USP9X: variants seen among roughly 807,000 people sequenced by gnomAD.
The protein encoded by USP9X is ubiquitin carboxyl-terminal hydrolase 9X.
In USP9X, 7 loss-of-function variants were observed where a neutral mutation model predicts 190.3. The observed-to-expected ratio is 0.04, with a 90% CI of 0.02 to 0.07. The LOEUF is 0.07. Ranked by LOEUF, USP9X falls within the 10% of genes least tolerant of loss-of-function variation. The pLI is 1.00. For missense variants in USP9X, 1,010 were observed against 1,916.9 expected (o/e 0.53, Z 8.83); for synonymous variants, 645 against 659.5 (o/e 0.98, Z 0.34).
chrX:41,092,262 C>T (rs2061960168), intron 1 of USP9X, among the ~76,000 whole-genome samples: 1 of 111,621 alleles, frequency 9.0e-6, no homozygotes, highest in Admixed American at 9.5e-5. Flanking sequence ...CCTTGATGTC[C>T]ATTTTATTCC....
intron 44 of USP9X, among the ~76,000 whole-genome samples, chrX:41,230,864 A>T (rs1423706474): frequency 9.0e-6 from 1 of 111,551 alleles, no homozygotes; most frequent in African/African-American, 3.3e-5. Flanking sequence ...TTATATCAAC[A>T]TAAAATGATC....
At chrX:41,102,392 C>T (rs1406794300) in intron 1 of USP9X, among the ~76,000 whole-genome samples, 2 of 110,607 alleles carry the variant, frequency 1.8e-5, no homozygotes, top group African/African-American at 6.6e-5. Flanking sequence ...TGGAGGTGGG[C>T]GGATCACTTG....
chrX:41,206,720 T>C (rs2063100116), intron 32 of USP9X, among the ~76,000 whole-genome samples: 1 of 111,226 alleles, frequency 9.0e-6, no homozygotes, highest in East Asian at 2.8e-4. Flanking sequence ...GACATTATAA[T>C]GTCTGTCTTC....
At chrX:41,152,858 T>C (rs756957750) in intron 13 of USP9X, 90 bp from the exon 14 acceptor site, 13 of 962,997 alleles carry the variant, frequency 1.3e-5, no homozygotes, top group Non-Finnish European at 1.6e-5. Context: ...AGTTTTTACA[T>C]CAGTAGCTAA....
chrX:41,132,828 T>A (rs2062335586), intron 4 of USP9X, among the ~76,000 whole-genome samples: 1 of 110,769 alleles, frequency 9.0e-6, no homozygotes, highest in Non-Finnish European at 1.9e-5. Context: ...TCAGTTTTTG[T>A]TTAACCAGCA....
intron 14 of USP9X, among the ~76,000 whole-genome samples, chrX:41,162,445 GA>G (rs1462623015): frequency 8.9e-6 from 1 of 111,806 alleles, no homozygotes; most frequent in East Asian, 2.8e-4. Flanking sequence ...AGAAATTGAA[GA>G]AAAAAATTTT....
chrX:41,211,837 T>TG (rs1202092224), intron 33 of USP9X, among the ~76,000 whole-genome samples: 4 of 83,462 alleles, frequency 4.8e-5, no homozygotes, highest in Non-Finnish European at 6.9e-5. Flanking sequence ...GGGAGGGAGG[T>TG]GGGGGGGTCA....
chrX:41,208,059 A>G (rs2063121424), intron 32 of USP9X, among the ~76,000 whole-genome samples: 2 of 107,476 alleles, frequency 1.9e-5, no homozygotes, highest in Admixed American at 9.9e-5. Context: ...TTTGAGACAG[A>G]GTCTCACTCT....
intron 1 of USP9X, among the ~76,000 whole-genome samples, chrX:41,109,579 A>G (rs1024237832): frequency 8.9e-6 from 1 of 112,306 alleles, no homozygotes; most frequent in African/African-American, 3.2e-5. Context: ...GTACACAGTA[A>G]TTTAGTGACA....
intron 35 of USP9X, among the ~76,000 whole-genome samples, 152 bp from the exon 36 acceptor site, chrX:41,217,063 AAAAAT>A (rs896865403): frequency 3.6e-5 from 4 of 111,731 alleles, no homozygotes; most frequent in African/African-American, 6.5e-5. Context: ...TCCATCTCAA[AAAAAT>A]AAAATAAAAA....
rs766261274 is a variant in USP9X, at chrX:41,169,729, T to TA, written c.2637-265dup. Among the ~76,000 whole-genome samples, 25 of 112,052 alleles carry TA rather than the reference T, an allele frequency of 2.2e-4. No homozygotes were observed. In the South Asian group the frequency reaches 9.0e-3, roughly 40 times the overall value. On this transcript the variant is annotated intron_variant, in intron 18 of 44. Transcript: ENST00000378308. ...CCTCGGCCTCCCAAAGTGCTGGGAT[T>TA]ATAGGCATGAGGCACCATGCCTGGC...
chrX:41,193,744 C>A (rs2062958130), intron 26 of USP9X, among the ~76,000 whole-genome samples: 1 of 111,128 alleles, frequency 9.0e-6, no homozygotes. Context: ...GGGAAGATTG[C>A]TTGAACCCAA....
intron 15 of USP9X, among the ~76,000 whole-genome samples, chrX:41,165,375 G>T (rs2062670657): frequency 8.9e-6 from 1 of 111,763 alleles, no homozygotes; most frequent in Admixed American, 9.5e-5. Flanking sequence ...ACAGACATGA[G>T]CCACCACACC....
intron 31 of USP9X, among the ~76,000 whole-genome samples, chrX:41,204,647 A>T (rs191136129): frequency 9.0e-6 from 1 of 111,593 alleles, no homozygotes; most frequent in African/African-American, 3.3e-5. Context: ...TGAGATTATA[A>T]TGTCGTATTT....
intron 41 of USP9X, among the ~76,000 whole-genome samples, chrX:41,227,982 G>T (rs1259266543): frequency 8.9e-6 from 1 of 111,908 alleles, no homozygotes; most frequent in Non-Finnish European, 1.9e-5. Flanking sequence ...TTACAGATGT[G>T]AGCCACCGTG....
chrX:41,115,100 A>G (rs764485382), intron 1 of USP9X, among the ~76,000 whole-genome samples: 14 of 108,527 alleles, frequency 1.3e-4, no homozygotes, highest in Non-Finnish European at 1.7e-4. Flanking sequence ...ACCTGCCTGT[A>G]GTCCCAGCTG....
At chrX:41,099,096 G>GTTT (rs34179321) in intron 1 of USP9X, among the ~76,000 whole-genome samples, 952 of 44,231 alleles carry the variant, frequency 0.022, 130 homozygotes, top group African/African-American at 0.085. Flanking sequence ...CCAGATAATT[G>GTTT]TTTTTTTTTT....
chrX:41,105,563 T>C (rs2062063301), intron 1 of USP9X, among the ~76,000 whole-genome samples: 1 of 112,349 alleles, frequency 8.9e-6, no homozygotes, highest in African/African-American at 3.2e-5. Context: ...CGGATACATA[T>C]GCTTCCACAT....
chrX:41,184,404 A>G lies in USP9X; in HGVS notation c.3287A>G (p.Tyr1096Cys), dbSNP rs1203610523. 1 of 1,209,984 alleles carries G rather than the reference A, an allele frequency of 8.3e-7. No individual in the cohort carries two copies. The highest frequency in any genetic ancestry group is 1.1e-6 in the Non-Finnish European group (1 of 894,823). Residue 1096 changes from tyrosine (Y) to cysteine (C), a missense_variant, in exon 23 of 45, where the codon TAT becomes TGT. Coordinates refer to ENST00000378308, the MANE Select transcript of USP9X (RefSeq NM_001039591.3). ...TCTTCTCTATTTTTCCAGGTAGTCT[A>G]TGCCTTGTTAATGCCTGCTGGTGCA... ...SQVLYLTEVV[Y>C]ALLMPAGAPL...
Sources: gnomAD v4.1 joint callset for allele counts (sites outside exome capture counted in the v4.1 genomes callset) on GRCh38, gnomAD v4.1.1 for gene constraint, MANE v1.5 for transcripts, NCBI Gene and HGNC (gene_info 2026-07-23, HGNC 2026-07-21) for gene names.